The following MGAT3 variants were observed in gnomAD, a reference collection of about 807,000 sequenced individuals.
MGAT3 encodes the protein GlcNAc-T III.
In MGAT3, 9 loss-of-function variants were observed where a neutral mutation model predicts 29.8. The observed-to-expected ratio is 0.30, with a 90% CI of 0.18 to 0.53. The LOEUF is 0.53. Ranked by LOEUF, MGAT3 falls within the 20% of genes least tolerant of loss-of-function variation. The probability of loss-of-function intolerance (pLI) is 0.96; values close to 1 mark genes in which losing one functional copy is unlikely to be tolerated. For missense variants in MGAT3, 557 were observed against 769.5 expected (o/e 0.72, Z 3.27); for synonymous variants, 397 against 348.9 (o/e 1.14, Z -1.54).
chr22:39,473,905 T>C (rs767053040), intron 1 of MGAT3, among the ~76,000 whole-genome samples: 1 of 152,008 alleles, frequency 6.6e-6, no homozygotes, highest in Non-Finnish European at 1.5e-5. Context: ...GAGTGCCAGC[T>C]CCAGGGTAGA....
rs1928360879 is a variant in MGAT3 at position 39,457,374 on chromosome 22, A to C, written c.-185A>C. 1 of 113,708 alleles carries C rather than the reference A, an allele frequency of 8.8e-6. No homozygotes were observed. 7.0% of individuals were successfully genotyped at this position (113,708 alleles called of 1,614,324 possible). ...GTGGAAGTGGGGGTGGGGGGAGGGG[A>C]TCGGGGCCGGGCCGGGGCCGCGCTG... On this transcript the variant is annotated 5_prime_UTR_variant, in exon 1 of 2. Coordinates refer to ENST00000341184, the MANE Select transcript of MGAT3 (RefSeq NM_002409.5). This position sits in a 1 kb window ranked among gnomAD's most constrained non-coding sequence, Gnocchi z 6.8.
chr22:39,460,349 T>C (rs528125299), intron 1 of MGAT3, among the ~76,000 whole-genome samples: 1 of 152,234 alleles, frequency 6.6e-6, no homozygotes, highest in South Asian at 2.1e-4. Flanking sequence ...ATGCTCCACC[T>C]AGCCCTGTGC....
chr22:39,481,832 G>C (rs1929135477), intron 1 of MGAT3, among the ~76,000 whole-genome samples: 1 of 152,186 alleles, frequency 6.6e-6, no homozygotes, highest in Non-Finnish European at 1.5e-5. Flanking sequence ...CTTATACAAG[G>C]GTACCTGCTT....
In MGAT3 at chr22:39,488,764, C is replaced by T. The variant is rs753937416; in HGVS notation, c.1417C>T (p.Pro473Ser). Residue 473 changes from proline to serine, a missense_variant, in exon 2 of 2, where the codon CCG (proline) becomes TCG (serine). Physicochemically the swap from Pro to Ser is moderately conservative, Grantham distance 74 (BLOSUM62 -1). Coordinates refer to ENST00000341184, the MANE Select transcript of MGAT3 (RefSeq NM_002409.5). ...GWFDGTQQEY[P>S]PADPSEHMYA... ...GTTCGACGGCACGCAGCAGGAGTACCCGCCTGCAGACCCCAGCGAGCACAT... is the reference window on the plus strand; with the variant it reads ...GTTCGACGGCACGCAGCAGGAGTACTCGCCTGCAGACCCCAGCGAGCACAT... 40 of 1,612,430 alleles carry T rather than the reference C, an allele frequency of 2.5e-5. No individual in the cohort carries two copies. The highest frequency in any genetic ancestry group is 3.1e-5 in the Non-Finnish European group (37 of 1,179,440).
At chr22:39,467,438 T>C (rs951209964) in intron 1 of MGAT3, among the ~76,000 whole-genome samples, 1 of 152,106 alleles carries the variant, frequency 6.6e-6, no homozygotes, top group African/African-American at 2.4e-5. Flanking sequence ...GCCTTCTCGC[T>C]TTGGGAGTGC....
rs1928360958 is a variant in MGAT3, at chr22:39,457,375, T to G, written c.-184T>G. ...TGGAAGTGGGGGTGGGGGGAGGGGA[T>G]CGGGGCCGGGCCGGGGCCGCGCTGC... is the stretch of plus-strand genomic sequence containing the variant. On this transcript the variant is annotated 5_prime_UTR_variant, in exon 1 of 2. Coordinates refer to ENST00000341184, the MANE Select transcript of MGAT3 (RefSeq NM_002409.5). The surrounding 1 kb of genome is among the most constrained non-coding windows in gnomAD (Gnocchi z 6.8). 1 of 120,842 alleles carries G rather than the reference T, an allele frequency of 8.3e-6. No homozygotes were observed. Among genetic ancestry groups the G allele is most frequent in the South Asian group, 2.7e-4 (1 of 3,672 alleles). 7.5% of individuals were successfully genotyped at this position (120,842 alleles called of 1,614,324 possible).
intron 1 of MGAT3, among the ~76,000 whole-genome samples, chr22:39,479,703 A>G (rs560340294): frequency 6.6e-6 from 1 of 152,372 alleles, no homozygotes; most frequent in African/African-American, 2.4e-5. Context: ...CATCGATGGG[A>G]AAACAGAGGT....
chr22:39,489,070 GGT>G lies in MGAT3; in HGVS notation c.*123_*124del. 10 of 1,134,924 alleles carry G rather than the reference GGT, an allele frequency of 8.8e-6. No homozygotes were observed. The highest frequency in any genetic ancestry group is 3.0e-5 in the Admixed American group (1 of 33,534). The allele number at this position is 1,134,924 out of a possible 1,614,324, so 70.3% of individuals were successfully genotyped here. A position where few individuals can be genotyped will look rare whatever the true frequency, so the allele number is the denominator to read the frequency against. ...GGACCAGGAGTGGGTGGGGAGTGGG[GGT>G]GGGGGTAGGGTTTCCCTACTGAAGC... On this transcript the variant is annotated 3_prime_UTR_variant, in exon 2 of 2. Transcript: ENST00000341184.
intron 1 of MGAT3, among the ~76,000 whole-genome samples, chr22:39,469,986 A>T (rs1601721164): frequency 6.6e-6 from 1 of 152,232 alleles, no homozygotes; most frequent in East Asian, 1.9e-4. Flanking sequence ...TGTCCCTCCA[A>T]GTCTGTTGCT....
At chr22:39,485,400 T>C (rs922686518) in intron 1 of MGAT3, among the ~76,000 whole-genome samples, 1 of 152,340 alleles carries the variant, frequency 6.6e-6, no homozygotes, top group Middle Eastern at 3.4e-3. Context: ...AAATGTACCA[T>C]GGTGGTATAA....
rs1255865821 is a variant in MGAT3 at position 39,488,650 on chromosome 22, G to C, written c.1303G>C (p.Ala435Pro). 6.2e-7 allele frequency: 1 copy of C among 1,613,596 alleles called. No homozygotes were observed. The highest frequency in any genetic ancestry group is 2.2e-5 in the East Asian group (1 of 44,876). Reference protein sequence around the residue: ...PEGIYFKLVSAQNGDFPRWGD... With the variant: ...PEGIYFKLVSPQNGDFPRWGD... ...GGGCATCTACTTCAAGCTCGTGTCC[G>C]CCCAGAATGGCGACTTCCCACGCTG... The change falls in exon 2 of 2, where the codon GCC becomes CCC. Residue 435 changes from alanine to proline, a missense_variant. By Grantham distance (27) the Ala-to-Pro change is conservative (BLOSUM62 -1). This residue lies in a region of MGAT3 where 243 missense variants were observed against 444.0 expected (regional missense o/e 0.55). Transcript: ENST00000341184.
In MGAT3 at chr22:39,488,987, GT is replaced by G; in HGVS notation, c.*39del. On this transcript the variant is annotated 3_prime_UTR_variant, in exon 2 of 2. Coordinates refer to ENST00000341184, the MANE Select transcript of MGAT3 (RefSeq NM_002409.5). Reference sequence around the variant, plus strand: ...TGATAGGGTTTGTGACAGGGCGGGGGTGGCGGCGGCCCCTAGCGCTATCTCC... The same window carrying G: ...TGATAGGGTTTGTGACAGGGCGGGGGGGCGGCGGCCCCTAGCGCTATCTCC... 1.3e-6 allele frequency: 2 copies of G among 1,562,680 alleles called. No individual in the cohort carries two copies. The highest frequency in any genetic ancestry group is 1.7e-6 in the Non-Finnish European group (2 of 1,156,236).
Position 39,487,608 on chromosome 22 carries a change from C to T in MGAT3, c.261C>T (p.Ser87=), listed in dbSNP as rs1233181411. ...CCCTGCTGCAGCCGCTGCCGCCCAG[C>T]AAGGCGGCCGAGGAGCTCCACCGGG... The part of the protein sequence containing the change: ...HSPLLQPLPP[S]KAAEELHRVD... Residue 87 remains serine (S), a synonymous_variant, in exon 2 of 2, where the codon AGC becomes AGT. Transcript: ENST00000341184. The surrounding 1 kb of genome is among the most constrained non-coding windows in gnomAD (Gnocchi z 5.7). 6.2e-7 allele frequency: 1 copy of T among 1,611,566 alleles called. No homozygotes were observed. The highest frequency in any genetic ancestry group is 2.2e-5 in the East Asian group (1 of 44,856).
intron 1 of MGAT3, among the ~76,000 whole-genome samples, chr22:39,459,246 G>A (rs1036929285): frequency 6.6e-6 from 1 of 151,964 alleles, no homozygotes; most frequent in East Asian, 1.9e-4. Flanking sequence ...GCTAATTTTT[G>A]TATTTTTAGT....
At chr22:39,484,892 A>T (rs1929227803) in intron 1 of MGAT3, among the ~76,000 whole-genome samples, 1 of 152,066 alleles carries the variant, frequency 6.6e-6, no homozygotes, top group African/African-American at 2.4e-5. Context: ...AATTCCAGCT[A>T]CTTGGGAGGC....
At chr22:39,465,698 G>A (rs764898268) in intron 1 of MGAT3, among the ~76,000 whole-genome samples, 2 of 152,078 alleles carry the variant, frequency 1.3e-5, no homozygotes, top group African/African-American at 4.8e-5. Context: ...TTGGGAGGCC[G>A]AGGGGGGTGG....
chr22:39,473,837 G>T (rs1456006501), intron 1 of MGAT3, among the ~76,000 whole-genome samples: 1 of 151,870 alleles, frequency 6.6e-6, no homozygotes, highest in Non-Finnish European at 1.5e-5. Flanking sequence ...GGAGGAGGGG[G>T]GATGGATGAG....
At chr22:39,480,191 C>T (rs1421696480) in intron 1 of MGAT3, among the ~76,000 whole-genome samples, 3 of 152,164 alleles carry the variant, frequency 2.0e-5, no homozygotes, top group Non-Finnish European at 4.4e-5. Context: ...ACAGAGCAGG[C>T]ATCTGAGAAA....
chr22:39,459,885 G>C (rs1050575846), intron 1 of MGAT3, among the ~76,000 whole-genome samples: 2 of 152,250 alleles, frequency 1.3e-5, no homozygotes, highest in Non-Finnish European at 2.9e-5. Flanking sequence ...AAACGAGGAT[G>C]CCGATGCCAG....
Sources: allele counts gnomAD v4.1 joint callset (sites outside exome capture counted in the v4.1 genomes callset), GRCh38; gene constraint gnomAD v4.1.1; regional missense constraint gnomAD v4.1.1; non-coding constraint Gnocchi (gnomAD v3.1); transcripts MANE v1.5; gene names NCBI Gene and HGNC (gene_info 2026-07-23, HGNC 2026-07-21).